USP20: variants seen among roughly 807,000 people sequenced by gnomAD.
The protein encoded by USP20 is ubiquitin carboxyl-terminal hydrolase 20.
In USP20, 80 loss-of-function variants were observed where a neutral mutation model predicts 124.2. The ratio of observed to expected loss-of-function variants is 0.64; its 90% CI spans 0.54 to 0.78. USP20 has a LOEUF of 0.78. Among genes scored for constraint, USP20 ranks in the 30% least tolerant of loss-of-function variants. The pLI, the probability that USP20 is intolerant of heterozygous loss-of-function variation, is 0.00. For synonymous variants in USP20, 481 were observed against 512.3 expected (o/e 0.94, Z 0.83); for missense variants, 1,043 against 1,244.4 (o/e 0.84, Z 2.44).
intron 21 of USP20, 30 bp downstream of exon 21, chr9:129,875,671 G>A (rs370357540): frequency 7.5e-6 from 12 of 1,605,764 alleles, no homozygotes; most frequent in African/African-American, 2.7e-5. Context: ...ACTTGTCTCC[G>A]TCCTGTCCAG....
intron 1 of USP20, among the ~76,000 whole-genome samples, chr9:129,840,438 G>A (rs2032134973): frequency 6.6e-6 from 1 of 152,172 alleles, no homozygotes; most frequent in African/African-American, 2.4e-5. Flanking sequence ...TGGATCCTGC[G>A]ATGGGGCTGC....
chr9:129,852,942 C>T (rs993458206), intron 3 of USP20, among the ~76,000 whole-genome samples: 1 of 152,106 alleles, frequency 6.6e-6, no homozygotes, highest in Non-Finnish European at 1.5e-5. Context: ...AGTTCAGGAG[C>T]GTTTTTACAC....
intron 4 of USP20, 130 bp from the exon 5 acceptor site, chr9:129,857,920 A>T: frequency 2.6e-6 from 2 of 783,476 alleles, no homozygotes; most frequent in South Asian, 3.1e-5. Flanking sequence ...TTGAGATGGC[A>T]GAGCCTCAGT....
chr9:129,869,266 GC>G, intron 12 of USP20, 43 bp from the exon 13 acceptor site: 1 of 1,575,584 alleles, frequency 6.3e-7, no homozygotes, highest in Non-Finnish European at 8.7e-7. Flanking sequence ...CCTCGCCCCG[GC>G]CAGGCAGGTG....
chr9:129,872,157 TTC>T (rs141691745), intron 15 of USP20, among the ~76,000 whole-genome samples: 1,953 of 152,014 alleles, frequency 0.013, 20 homozygotes, highest in Middle Eastern at 0.027. Flanking sequence ...GTTATAGGGA[TTC>T]TTTTTTTTCT....
In USP20 at chr9:129,856,374, G is replaced by C; in HGVS notation, c.135+14G>C. On this transcript the variant is annotated intron_variant, in intron 4 of 25. Transcript: ENST00000372429. Reference sequence around the variant, plus strand: ...GCCTGTCTGCAGGTAAAAGACCCTTGTGGCCATCAGGGGTGTAGAGCTGCT... The same window carrying C: ...GCCTGTCTGCAGGTAAAAGACCCTTCTGGCCATCAGGGGTGTAGAGCTGCT... The C allele has an allele frequency of 6.2e-7, 1 of 1,614,022 alleles. No individual in the cohort carries two copies. The highest frequency in any genetic ancestry group is 8.5e-7 in the Non-Finnish European group (1 of 1,179,896).
intron 1 of USP20, among the ~76,000 whole-genome samples, chr9:129,841,064 C>T (rs555464959): frequency 7.9e-4 from 121 of 152,332 alleles, no homozygotes; most frequent in African/African-American, 2.8e-3. Context: ...AGCCATCACT[C>T]CCGGCCTAGA....
chr9:129,854,965 G>A (rs903143412), intron 3 of USP20, among the ~76,000 whole-genome samples: 3 of 152,170 alleles, frequency 2.0e-5, no homozygotes, highest in Non-Finnish European at 2.9e-5. Context: ...AGGCTTTCTT[G>A]GTGAGAGGTT....
intron 3 of USP20, among the ~76,000 whole-genome samples, chr9:129,854,729 C>T (rs543331967): frequency 5.9e-5 from 9 of 152,208 alleles, no homozygotes; most frequent in East Asian, 3.9e-4. Context: ...TTTGGGGCTG[C>T]GGTTTTGAGT....
rs1317381983 is a variant in USP20 at position 129,875,034 on chromosome 9, A to AGGGGACAG, written c.2048+80_2048+87dup. ...ACCCATGGGCCTTCTGGGTGTGTGT[A>AGGGGACAG]GGGGACAGCGCCTGGATTAAGCCAG... On this transcript the variant is annotated intron_variant, in intron 19 of 25. Coordinates refer to ENST00000372429, the MANE Select transcript of USP20 (RefSeq NM_001110303.4). 1.9e-6 allele frequency: 3 copies of AGGGGACAG among 1,553,978 alleles called. No individual in the cohort carries two copies. In the Admixed American group the frequency reaches 5.6e-5, roughly 29 times the overall value.
chr9:129,843,138 C>G (rs1353057800), intron 1 of USP20, among the ~76,000 whole-genome samples: 2 of 136,410 alleles, frequency 1.5e-5, no homozygotes, highest in Non-Finnish European at 3.1e-5. Flanking sequence ...TTTTTTTGGT[C>G]AAAGATGTAG....
chr9:129,862,200 C>A (rs1398748903), intron 8 of USP20, among the ~76,000 whole-genome samples: 1 of 152,116 alleles, frequency 6.6e-6, no homozygotes, highest in African/African-American at 2.4e-5. Context: ...GGCTATGTCC[C>A]AAAATGTTCC....
intron 13 of USP20, 94 bp from the exon 14 acceptor site, chr9:129,869,578 G>A: frequency 1.9e-6 from 3 of 1,563,638 alleles, no homozygotes; most frequent in Non-Finnish European, 2.6e-6. Context: ...TCTATGGCCT[G>A]GGGAGTAGTC....
intron 8 of USP20, 112 bp from the exon 9 acceptor site, chr9:129,863,074 G>A: frequency 1.4e-6 from 1 of 713,628 alleles, no homozygotes; most frequent in East Asian, 3.0e-5. Flanking sequence ...CTGGGTCCAG[G>A]GCCACTGTGC....
chr9:129,856,230 G>T (rs2033207804), intron 3 of USP20, 77 bp from the exon 4 acceptor site: 2 of 1,458,732 alleles, frequency 1.4e-6, no homozygotes, highest in Non-Finnish European at 1.9e-6. Context: ...GGCCCTCCAG[G>T]CAGGAGCAGT....
intron 1 of USP20, among the ~76,000 whole-genome samples, chr9:129,845,568 C>G (rs1272134255): frequency 6.6e-6 from 1 of 152,162 alleles, no homozygotes; most frequent in Non-Finnish European, 1.5e-5. Context: ...GGTTCTTGCT[C>G]TGTTGCCCAG....
At position 129,863,539 on chromosome 9, in the gene USP20, A is replaced by G. The variant is rs913316; in HGVS notation, c.611+240A>G. Among the ~76,000 whole-genome samples the G allele has an allele frequency of 0.88, 133,517 of 152,230 alleles. 58,942 individuals carry two copies. Among genetic ancestry groups the G allele is most frequent in the East Asian group, 1 (5,155 of 5,172 alleles). ...GCTCAAGGTCATAGAACCTGCAAAA[A>G]GTGAGCTAGAATTTGACCTACTGTT... On this transcript the variant is annotated intron_variant, in intron 9 of 25. Coordinates refer to ENST00000372429, the MANE Select transcript of USP20 (RefSeq NM_001110303.4).
At chr9:129,840,766 C>CT (rs34092925) in intron 1 of USP20, among the ~76,000 whole-genome samples, 31,871 of 120,444 alleles carry the variant, frequency 0.26, 5,218 homozygotes, top group East Asian at 0.83. Context: ...CCTTTAGAAA[C>CT]TTTTTTTTTT....
chr9:129,866,716 C>T (rs1383411711), intron 10 of USP20, among the ~76,000 whole-genome samples: 1 of 152,228 alleles, frequency 6.6e-6, no homozygotes, highest in Non-Finnish European at 1.5e-5. Context: ...GTAGACGCAG[C>T]TGCGGGCGCC....
Sources: allele counts gnomAD v4.1 joint callset (sites outside exome capture counted in the v4.1 genomes callset), GRCh38; gene constraint gnomAD v4.1.1; transcripts MANE v1.5; gene names NCBI Gene and HGNC (gene_info 2026-07-23, HGNC 2026-07-21).